ZMYM6: variants seen among roughly 807,000 people sequenced by gnomAD.
ZMYM6 encodes zinc finger MYM-type containing 6, also known as zinc finger MYM-type protein 6.
In ZMYM6, 90 loss-of-function variants were observed where a neutral mutation model predicts 134.0. The observed-to-expected ratio is 0.67, with a 90% CI of 0.57 to 0.80. ZMYM6 has a LOEUF of 0.80. Ranked by LOEUF, ZMYM6 falls within the 30% of genes least tolerant of loss-of-function variation. The pLI, the probability that ZMYM6 is intolerant of heterozygous loss-of-function variation, is 0.00. For synonymous variants in ZMYM6, 481 were observed against 524.1 expected (o/e 0.92, Z 1.12); for missense variants, 1,362 against 1,533.9 (o/e 0.89, Z 1.87).
At chr1:34,993,323 G>A (rs1640719695) in intron 14 of ZMYM6, among the ~76,000 whole-genome samples, 1 of 152,076 alleles carries the variant, frequency 6.6e-6, no homozygotes, top group Non-Finnish European at 1.5e-5. Flanking sequence ...ATGTTGGCCA[G>A]GCTGGTCTCA....
rs192611200 is a variant in ZMYM6 at position 35,011,840 on chromosome 1, G to A, written c.1062+50C>T. 5 of 1,295,348 alleles carry A rather than the reference G, an allele frequency of 3.9e-6. No homozygotes were observed. In the African/African-American group the frequency reaches 7.5e-5, roughly 19 times the overall value. The allele number at this position is 1,295,348 out of a possible 1,614,324, so 80.2% of individuals were successfully genotyped here. ...CTTCAGCAGTTAACACTGTGCCACA[G>A]ATCGATGCCTAACAGAACCACATGC... On this transcript the variant is annotated intron_variant, in intron 8 of 15. Coordinates refer to ENST00000357182, the MANE Select transcript of ZMYM6 (RefSeq NM_007167.4).
chr1:35,002,335 T>C (rs2148448404), intron 14 of ZMYM6, among the ~76,000 whole-genome samples: 1 of 152,338 alleles, frequency 6.6e-6, no homozygotes, highest in African/African-American at 2.4e-5. Flanking sequence ...TTTCATAGCT[T>C]TGGAGTTAGC....
chr1:35,021,086 T>G (rs7526321), intron 2 of ZMYM6, among the ~76,000 whole-genome samples: 1 of 150,776 alleles, frequency 6.6e-6, no homozygotes, highest in African/African-American at 2.5e-5. Flanking sequence ...TTAGGTAGTG[T>G]GTTTAAAAGG....
At chr1:35,007,365 C>A (rs1456139551) in intron 11 of ZMYM6, among the ~76,000 whole-genome samples, 1 of 151,802 alleles carries the variant, frequency 6.6e-6, no homozygotes, top group Non-Finnish European at 1.5e-5. Flanking sequence ...CCGAGGTGGG[C>A]GGATCATGAG....
chr1:35,011,800 T>G (rs1641091546), intron 8 of ZMYM6, 90 bp downstream of exon 8: 3 of 914,746 alleles, frequency 3.3e-6, no homozygotes, highest in Non-Finnish European at 4.5e-6. Context: ...AATTTAAACT[T>G]TCATAAGAAC....
intron 15 of ZMYM6, 74 bp from the exon 16 acceptor site, chr1:34,989,009 T>C (rs760961641): frequency 2.0e-6 from 3 of 1,533,142 alleles, no homozygotes; most frequent in South Asian, 2.6e-5. Context: ...TCCCCACATA[T>C]TTAAAATTCA....
rs370306485 is a variant in ZMYM6 at position 35,029,319 on chromosome 1, GT to G, written c.93+1227del. Among the ~76,000 whole-genome samples the G allele has an allele frequency of 2.6e-3, 400 of 152,292 alleles. 3 individuals are homozygous for G. The highest frequency in any genetic ancestry group is 0.025 in the East Asian group (129 of 5,190). On this transcript the variant is annotated intron_variant, in intron 2 of 15. Coordinates refer to ENST00000357182, the MANE Select transcript of ZMYM6 (RefSeq NM_007167.4). ...ATCATAGAGAAGCAGAATAGCACAA[GT>G]TCTGGAGTCTGACCACCTGGATTTG...
intron 15 of ZMYM6, chr1:34,989,347 G>T: frequency 1.5e-6 from 1 of 647,698 alleles, no homozygotes; most frequent in Non-Finnish European, 1.9e-6. Flanking sequence ...AGACCAGCCC[G>T]GGCAACATGG....
chr1:35,015,775 T>A (rs763487058), intron 4 of ZMYM6, among the ~76,000 whole-genome samples: 1 of 142,286 alleles, frequency 7.0e-6, no homozygotes, highest in African/African-American at 2.8e-5. Flanking sequence ...GCCAGCCAGA[T>A]GCTGAAGACA....
Position 35,011,000 on chromosome 1 carries a change from C to A in ZMYM6, c.1099G>T (p.Ala367Ser). The A allele has an allele frequency of 6.2e-7, 1 of 1,613,834 alleles. No individual in the cohort carries two copies. The highest frequency in any genetic ancestry group is 1.1e-5 in the South Asian group (1 of 91,050). The change falls in exon 9 of 16, where the codon GCG becomes TCG. Residue 367 changes from alanine (A) to serine (S), a missense_variant. Physicochemically the swap from Ala to Ser is moderately conservative, Grantham distance 99. This residue lies in a region of ZMYM6 where 503 missense variants were observed against 520.8 expected (regional missense o/e 0.97). Transcript: ENST00000357182. ...ACTTGGCCCTGAGACAGGGGCACCG[C>A]CGAAGAGTTTGTTCCTTTTGGCTTG... Reference protein sequence around the residue: ...FSKPKGTNSSAVPLSQGQVVV... With the variant: ...FSKPKGTNSSSVPLSQGQVVV...
rs1641231330 is a variant in ZMYM6 at position 35,017,755 on chromosome 1, T to C, written c.428+1598A>G. The C allele has an allele frequency of 3.3e-5, 5 of 152,278 alleles. No individual in the cohort carries two copies. The South Asian group carries it at 1.0e-3, about 32-fold the overall frequency. 9.4% of individuals were successfully genotyped at this position (152,278 alleles called of 1,614,324 possible). ...TAAGGTATCAAGCAGCCTTTGAAAA[T>C]TTGTAAAAATCAAATGCATGCTGAA... is the stretch of plus-strand genomic sequence containing the variant. On this transcript the variant is annotated intron_variant, in intron 4 of 15. Coordinates refer to ENST00000357182, the MANE Select transcript of ZMYM6 (RefSeq NM_007167.4).
intron 6 of ZMYM6, chr1:35,013,685 T>C: frequency 2.1e-6 from 2 of 958,906 alleles, no homozygotes; most frequent in Non-Finnish European, 2.5e-6. Context: ...ATCTTTGTTT[T>C]TTTTTTTTGT....
rs1206802474 is a variant in ZMYM6, at chr1:34,987,256, A to G, written c.3826T>C (p.Leu1276=). ...CATAAATAAACAGTTGAAAAGGGTA[A>G]TAAAAATTTCATTGCCCTTTCATGG... is the stretch of plus-strand genomic sequence containing the variant. ...ELHERAMKFL[L]PFSTVYLCDA... is the part of the protein sequence containing the mutation. Residue 1276 remains leucine, a synonymous_variant, in exon 16 of 16, where the codon TTA becomes CTA. Coordinates refer to ENST00000357182, the MANE Select transcript of ZMYM6 (RefSeq NM_007167.4). 6.2e-7 allele frequency: 1 copy of G among 1,613,470 alleles called. No individual in the cohort carries two copies. Among genetic ancestry groups the G allele is most frequent in the Non-Finnish European group, 8.5e-7 (1 of 1,179,840 alleles).
chr1:34,988,547 T>C lies in ZMYM6; in HGVS notation c.2535A>G (p.Pro845=), dbSNP rs1640610639. ...TAATTAATTCTTCAGCAATGGAGAATGGCTTCTTGCTTGCAGCAGTTTGGA... is the reference window on the plus strand; with the variant it reads ...TAATTAATTCTTCAGCAATGGAGAACGGCTTCTTGCTTGCAGCAGTTTGGA... ...IAFQTAASKK[P]FSIAEELIKP... Residue 845 remains proline (P), a synonymous_variant, in exon 16 of 16, where the codon CCA becomes CCG. Transcript: ENST00000357182. 1 of 1,551,326 alleles carries C rather than the reference T, an allele frequency of 6.4e-7. No homozygotes were observed. The highest frequency in any genetic ancestry group is 1.4e-5 in the African/African-American group (1 of 73,176).
chr1:35,011,183 T>A (rs1157952841), intron 8 of ZMYM6, 147 bp from the exon 9 acceptor site: 1 of 886,318 alleles, frequency 1.1e-6, no homozygotes, highest in Non-Finnish European at 1.7e-6. Flanking sequence ...AATGGTATAT[T>A]TCCAGAATAA....
Position 34,987,485 on chromosome 1 carries a change from A to G in ZMYM6, c.3597T>C (p.Ser1199=), listed in dbSNP as rs1218955061. The change falls in exon 16 of 16, where the codon AGT becomes AGC. Residue 1199 remains serine (S), a synonymous_variant. Coordinates refer to ENST00000357182, the MANE Select transcript of ZMYM6 (RefSeq NM_007167.4). ...AGTCTTGTTCTGGTGGAAAACAGTC[A>G]CTGAACACTTGAGAAAGTCCTTCCA... The part of the protein sequence containing the change: ...EHLEGLSQVF[S]DCFPPEQDLR... 1 of 1,613,388 alleles carries G rather than the reference A, an allele frequency of 6.2e-7. No homozygotes were observed. Among genetic ancestry groups the G allele is most frequent in the Non-Finnish European group, 8.5e-7 (1 of 1,179,638 alleles).
At chr1:35,019,072 T>A in intron 4 of ZMYM6, 1 of 530,386 alleles carries the variant, frequency 1.9e-6, no homozygotes, top group Non-Finnish European at 3.3e-6. Flanking sequence ...ATGGTGGGTG[T>A]CTACAATTAC....
Position 35,020,295 on chromosome 1 carries a change from G to C in ZMYM6, c.178+88C>G, listed in dbSNP as rs563115329. 1.0e-5 allele frequency: 12 copies of C among 1,183,984 alleles called. No individual in the cohort carries two copies. The South Asian group carries it at 2.1e-4, about 20-fold the overall frequency. The allele number at this position is 1,183,984 out of a possible 1,614,324, so 73.3% of individuals were successfully genotyped here. On this transcript the variant is annotated intron_variant, in intron 3 of 15. Coordinates refer to ENST00000357182, the MANE Select transcript of ZMYM6 (RefSeq NM_007167.4). The stretch of plus-strand genomic sequence containing the variant: ...AAACACAGCTCTAAAGAAAGAGAAA[G>C]ACATACATGAAAAGATGCTTTCCCT...
chr1:35,021,838 GAA>G (rs1641315472), intron 2 of ZMYM6, among the ~76,000 whole-genome samples: 2 of 152,060 alleles, frequency 1.3e-5, no homozygotes, highest in South Asian at 4.2e-4. Context: ...ATGTAATCAT[GAA>G]ACATTTTTAA....
Sources: gnomAD v4.1 joint callset for allele counts (sites outside exome capture counted in the v4.1 genomes callset) on GRCh38, gnomAD v4.1.1 for gene constraint, gnomAD v4.1.1 regional missense constraint, MANE v1.5 for transcripts, NCBI Gene and HGNC (gene_info 2026-07-23, HGNC 2026-07-21) for gene names.